Variants in IDE observed in about 807,000 individuals in gnomAD.
IDE encodes the protein insulin degrading enzyme, also known as insulin-degrading enzyme.
A neutral mutation model predicts 133.2 loss-of-function variants in IDE; 58 were observed. That is an observed-to-expected ratio of 0.44 (90% CI 0.35 to 0.54). IDE has a LOEUF of 0.54. Ranked by LOEUF, IDE falls within the 20% of genes least tolerant of loss-of-function variation. IDE has a pLI of 0.00. For missense variants in IDE, 981 were observed against 1,234.0 expected (o/e 0.79, Z 3.07); for synonymous variants, 396 against 421.3 (o/e 0.94, Z 0.73).
chr10:92,509,903 A>G (rs972219744), intron 6 of IDE, 147 bp downstream of exon 6: 2 of 526,652 alleles, frequency 3.8e-6, no homozygotes, highest in South Asian at 2.5e-5. Context: ...CCTGGGTGAC[A>G]ATGCAAGACT....
chr10:92,458,652 C>T (rs1845176841), intron 22 of IDE, among the ~76,000 whole-genome samples: 1 of 151,960 alleles, frequency 6.6e-6, no homozygotes, highest in Non-Finnish European at 1.5e-5. Flanking sequence ...CAGGCGTGCA[C>T]CACCACGCCT....
At chr10:92,524,794 G>A (rs1849535573) in intron 4 of IDE, among the ~76,000 whole-genome samples, 1 of 150,778 alleles carries the variant, frequency 6.6e-6, no homozygotes, top group South Asian at 2.1e-4. Context: ...GTGGTAATGG[G>A]CGCTGCAATC....
At chr10:92,535,984 G>A (rs1415968057) in intron 2 of IDE, among the ~76,000 whole-genome samples, 2 of 151,664 alleles carry the variant, frequency 1.3e-5, no homozygotes, top group Non-Finnish European at 2.9e-5. Flanking sequence ...TGCAGTGAGC[G>A]GAGATTGCGC....
intron 1 of IDE, among the ~76,000 whole-genome samples, chr10:92,565,656 C>T (rs778913437): frequency 6.6e-6 from 1 of 152,084 alleles, no homozygotes; most frequent in African/African-American, 2.4e-5. Context: ...CATCCATGTC[C>T]GTGTCTTCAA....
chr10:92,514,852 C>T, intron 5 of IDE, 68 bp downstream of exon 5: 1 of 1,340,064 alleles, frequency 7.5e-7, no homozygotes, highest in African/African-American at 1.5e-5. Context: ...CATCTTCTAA[C>T]ACTGTGAAAA....
intron 18 of IDE, 44 bp downstream of exon 18, chr10:92,470,210 C>T: frequency 7.7e-7 from 1 of 1,292,326 alleles, no homozygotes; most frequent in South Asian, 1.3e-5. Context: ...GAAAAAATAT[C>T]TTGCAATGAT....
chr10:92,558,401 T>C (rs1259357361), intron 1 of IDE, among the ~76,000 whole-genome samples: 3 of 152,178 alleles, frequency 2.0e-5, no homozygotes, highest in African/African-American at 7.2e-5. Flanking sequence ...GACCTTGGAT[T>C]GGGCAGTGGC....
At position 92,452,728 on chromosome 10, in the gene IDE, T is replaced by C. The variant is rs902650885; in HGVS notation, c.*1716A>G. 3 of 152,182 alleles carry C rather than the reference T, an allele frequency of 2.0e-5. No homozygotes were observed. The highest frequency in any genetic ancestry group is 4.1e-4 in the South Asian group (2 of 4,836). 9.4% of individuals were successfully genotyped at this position (152,182 alleles called of 1,614,324 possible). A position where few individuals can be genotyped will look rare whatever the true frequency, so the allele number is the denominator to read the frequency against. On this transcript the variant is annotated 3_prime_UTR_variant, in exon 25 of 25. Coordinates refer to ENST00000265986, the MANE Select transcript of IDE (RefSeq NM_004969.4). ...GGTGGATTTTTATTTACTAGTACAGTGGTGGATCGGAACACTCAGGCCTAA... is the reference window on the plus strand; with the variant it reads ...GGTGGATTTTTATTTACTAGTACAGCGGTGGATCGGAACACTCAGGCCTAA...
chr10:92,524,304 C>CAA (rs1849394437), intron 4 of IDE, among the ~76,000 whole-genome samples: 1 of 94,350 alleles, frequency 1.1e-5, no homozygotes, highest in Admixed American at 1.8e-4. Flanking sequence ...GACTCTATCT[C>CAA]AAAAAAATAT....
Position 92,510,672 on chromosome 10 carries a change from CATATATG to C in IDE, c.785-517_785-511del, listed in dbSNP as rs573219844. Among the ~76,000 whole-genome samples, 269 of 151,392 alleles carry C rather than the reference CATATATG, an allele frequency of 1.8e-3. 1 individual carries two copies. Among genetic ancestry groups the C allele is most frequent in the Middle Eastern group, 0.01 (3 of 292 alleles). On this transcript the variant is annotated intron_variant, in intron 5 of 24. Coordinates refer to ENST00000265986, the MANE Select transcript of IDE (RefSeq NM_004969.4). ...TATGATATATATCACATACATCTCA[CATATATG>C]ATATATATCACATACATCTCACATA... is the stretch of plus-strand genomic sequence containing the variant.
At chr10:92,573,818 G>C in intron 1 of IDE, 104 bp downstream of exon 1, 1 of 781,060 alleles carries the variant, frequency 1.3e-6, no homozygotes, top group Non-Finnish European at 1.9e-6. Flanking sequence ...CGGCGTGAGG[G>C]GCAGCGGTGG....
chr10:92,459,529 T>C (rs758612026), intron 22 of IDE, among the ~76,000 whole-genome samples: 5 of 152,120 alleles, frequency 3.3e-5, no homozygotes, highest in Non-Finnish European at 7.4e-5. Flanking sequence ...TAATGACAGA[T>C]ACAAACCAGA....
chr10:92,563,288 C>A (rs1035376024), intron 1 of IDE, among the ~76,000 whole-genome samples: 6 of 151,774 alleles, frequency 4.0e-5, no homozygotes, highest in African/African-American at 1.4e-4. Flanking sequence ...CCCATCTCTA[C>A]TAAAAATACA....
At chr10:92,462,561 CG>C (rs1427068665) in intron 21 of IDE, among the ~76,000 whole-genome samples, 2 of 151,924 alleles carry the variant, frequency 1.3e-5, no homozygotes, top group African/African-American at 4.8e-5. Flanking sequence ...AGCCGGAGAT[CG>C]TGCCATTGCA....
At chr10:92,489,558 G>C (rs1055670821) in intron 12 of IDE, among the ~76,000 whole-genome samples, 9 of 152,100 alleles carry the variant, frequency 5.9e-5, no homozygotes, top group African/African-American at 2.2e-4. Context: ...ATTCAGGGCA[G>C]GTTGGTTATG....
At chr10:92,508,331 G>A in intron 7 of IDE, 126 bp from the exon 8 acceptor site, 2 of 756,646 alleles carry the variant, frequency 2.6e-6, no homozygotes, top group South Asian at 1.8e-5. Flanking sequence ...CGAAAAGATT[G>A]GGAAAAAAAA....
intron 1 of IDE, among the ~76,000 whole-genome samples, chr10:92,537,851 G>A (rs1247954029): frequency 6.6e-6 from 1 of 151,758 alleles, no homozygotes; most frequent in Non-Finnish European, 1.5e-5. Flanking sequence ...CTAGAATAGA[G>A]TTTTTTTTGC....
chr10:92,486,668 A>G (rs1207910237), intron 13 of IDE, among the ~76,000 whole-genome samples: 2 of 152,226 alleles, frequency 1.3e-5, no homozygotes, highest in Non-Finnish European at 2.9e-5. Context: ...ATAGCATGAA[A>G]AGGACATTCT....
intron 19 of IDE, 29 bp downstream of exon 19, chr10:92,468,850 A>G: frequency 3.4e-6 from 4 of 1,187,740 alleles, no homozygotes; most frequent in South Asian, 1.2e-5. Context: ...AAAATAGTCC[A>G]TTCCCAAAGT....
Sources: allele counts gnomAD v4.1 joint callset (sites outside exome capture counted in the v4.1 genomes callset), GRCh38; gene constraint gnomAD v4.1.1; transcripts MANE v1.5; gene names NCBI Gene and HGNC (gene_info 2026-07-23, HGNC 2026-07-21).